MYRIP: variants seen among roughly 807,000 people sequenced by gnomAD.
MYRIP encodes the protein myosin VIIA and Rab interacting protein, also known as rab effector MyRIP.
MYRIP carries 49 observed loss-of-function variants against 98.0 expected under a neutral mutation model. The ratio of observed to expected loss-of-function variants is 0.50; its 90% CI spans 0.40 to 0.63. The LOEUF (loss-of-function observed/expected upper bound fraction) is 0.63, where lower values mean the gene tolerates loss of function less well. Among genes scored for constraint, MYRIP ranks in the 30% least tolerant of loss-of-function variants. MYRIP has a pLI of 0.00. For missense variants in MYRIP, 1,004 were observed against 1,058.2 expected, an observed-to-expected ratio of 0.95 and a Z score of 0.71; for synonymous variants, 404 against 409.5, an observed-to-expected ratio of 0.99 and a Z score of 0.16.
intron 8 of MYRIP, among the ~76,000 whole-genome samples, chr3:40,171,108 C>T (rs1482648581): frequency 1.3e-5 from 2 of 151,990 alleles, no homozygotes; most frequent in African/African-American, 2.4e-5. Flanking sequence ...AACGTGCTGT[C>T]AGCTTGTTTT....
chr3:39,970,809 C>T (rs1599003), intron 2 of MYRIP, among the ~76,000 whole-genome samples: 72,396 of 151,710 alleles, frequency 0.48, 18,181 homozygotes, highest in African/African-American at 0.66. Flanking sequence ...CTTTTCTCTA[C>T]AGTATTTAGG....
At chr3:39,951,419 G>A (rs1197571671) in intron 2 of MYRIP, among the ~76,000 whole-genome samples, 1 of 152,024 alleles carries the variant, frequency 6.6e-6, no homozygotes, top group East Asian at 1.9e-4. Flanking sequence ...ATTCAGAATA[G>A]AGAAGCGCTA....
chr3:39,875,509 T>C (rs1283915732), intron 1 of MYRIP, among the ~76,000 whole-genome samples: 1 of 152,034 alleles, frequency 6.6e-6, no homozygotes, highest in African/African-American at 2.4e-5. Context: ...CATCCTGCTT[T>C]GAATGCGTCC....
chr3:40,252,994 T>C (rs1431621360), intron 16 of MYRIP, among the ~76,000 whole-genome samples: 1 of 152,184 alleles, frequency 6.6e-6, no homozygotes, highest in African/African-American at 2.4e-5. Flanking sequence ...TAACATCACA[T>C]TGGACTAATC....
intron 12 of MYRIP, among the ~76,000 whole-genome samples, chr3:40,236,560 G>GA (rs1380332168): frequency 1.3e-5 from 2 of 151,988 alleles, no homozygotes; most frequent in Non-Finnish European, 2.9e-5. Context: ...GATTTGTGAT[G>GA]AAAAAAACAG....
intron 10 of MYRIP, among the ~76,000 whole-genome samples, chr3:40,200,790 C>T (rs982920789): frequency 6.6e-6 from 1 of 152,150 alleles, no homozygotes; most frequent in African/African-American, 2.4e-5. Context: ...CACCCCAACC[C>T]CTGCCCTGCG....
At chr3:39,832,954 T>C (rs73826794) in intron 1 of MYRIP, among the ~76,000 whole-genome samples, 7,762 of 152,222 alleles carry the variant, frequency 0.051, 401 homozygotes, top group African/African-American at 0.13. Context: ...ATCATAGTCC[T>C]CTGTGAAATA....
At chr3:40,168,836 G>C (rs756836409) in intron 7 of MYRIP, among the ~76,000 whole-genome samples, 1 of 152,198 alleles carries the variant, frequency 6.6e-6, no homozygotes, top group Non-Finnish European at 1.5e-5. Flanking sequence ...CTGGGACGTA[G>C]ATTCTCCCTA....
intron 3 of MYRIP, among the ~76,000 whole-genome samples, chr3:40,083,150 C>T (rs1948517511): frequency 2.0e-5 from 3 of 152,124 alleles, no homozygotes; most frequent in Non-Finnish European, 2.9e-5. Context: ...CAGATATGAA[C>T]AAAACAGGCA....
At chr3:40,062,580 C>T (rs1948040796) in intron 3 of MYRIP, among the ~76,000 whole-genome samples, 1 of 152,042 alleles carries the variant, frequency 6.6e-6, no homozygotes, top group South Asian at 2.1e-4. Context: ...TCCATGGGCA[C>T]CCAAATTTTG....
At position 40,190,347 on chromosome 3, in the gene MYRIP, C is replaced by T; in HGVS notation, c.1549C>T (p.Pro517Ser). 3 of 1,613,964 alleles carry T rather than the reference C, an allele frequency of 1.9e-6. No homozygotes were observed. The highest frequency in any genetic ancestry group is 2.2e-5 in the South Asian group (2 of 91,080). Residue 517 changes from proline to serine, a missense_variant, in exon 10 of 17, where the codon CCC (proline) becomes TCC (serine). Pro to Ser is a moderately conservative substitution (Grantham distance 74). Coordinates refer to ENST00000302541, the MANE Select transcript of MYRIP (RefSeq NM_015460.4). ...TSDSSEPEEA[P>S]HTTDRRARRW... ...GGACAGCAGCGAGCCGGAGGAGGCC[C>T]CCCACACCACAGACCGGCGGGCCAG...
chr3:39,874,896 G>A (rs903123742), intron 1 of MYRIP, among the ~76,000 whole-genome samples: 3 of 152,110 alleles, frequency 2.0e-5, no homozygotes, highest in Non-Finnish European at 2.9e-5. Context: ...CTATTGATTG[G>A]AATAGTTTCA....
intron 3 of MYRIP, among the ~76,000 whole-genome samples, chr3:40,060,189 CA>C (rs1335401818): frequency 6.6e-6 from 1 of 152,170 alleles, no homozygotes; most frequent in East Asian, 1.9e-4. Context: ...TTTTGTCCCT[CA>C]GGGGTGACCC....
At chr3:40,055,084 G>GA (rs1451209462) in intron 3 of MYRIP, among the ~76,000 whole-genome samples, 2 of 152,056 alleles carry the variant, frequency 1.3e-5, no homozygotes, top group Non-Finnish European at 2.9e-5. Flanking sequence ...ACATGGTAGG[G>GA]AAAAAATGAC....
intron 1 of MYRIP, among the ~76,000 whole-genome samples, chr3:39,845,538 CT>C (rs1465676828): frequency 2.0e-5 from 3 of 152,076 alleles, no homozygotes; most frequent in Admixed American, 6.6e-5. Flanking sequence ...GCATTAGGCA[CT>C]TTTTGGGCAC....
chr3:40,092,128 GAC>G (rs1301680790), intron 3 of MYRIP, among the ~76,000 whole-genome samples: 2 of 152,164 alleles, frequency 1.3e-5, no homozygotes, highest in Non-Finnish European at 2.9e-5. Context: ...TCATTCTGAA[GAC>G]ACAGAGCCCC....
intron 11 of MYRIP, among the ~76,000 whole-genome samples, chr3:40,210,587 C>T (rs1799420): frequency 0.93 from 141,384 of 152,182 alleles, 65,790 homozygotes; most frequent in Admixed American, 0.95. Flanking sequence ...TTTCAGATTT[C>T]GATTTGGTTG....
intron 3 of MYRIP, among the ~76,000 whole-genome samples, chr3:40,090,193 C>T (rs1948715473): frequency 6.6e-6 from 1 of 152,100 alleles, no homozygotes; most frequent in Non-Finnish European, 1.5e-5. Context: ...TCTTTCTGGG[C>T]CTCATCTGTG....
intron 3 of MYRIP, among the ~76,000 whole-genome samples, chr3:40,126,267 G>A (rs535313986): frequency 9.2e-5 from 14 of 152,252 alleles, no homozygotes; most frequent in South Asian, 2.1e-4. Flanking sequence ...GGGTGGGGCC[G>A]AACAAGCTGG....
Sources: gnomAD v4.1 joint callset for allele counts (sites outside exome capture counted in the v4.1 genomes callset) on GRCh38, gnomAD v4.1.1 for gene constraint, MANE v1.5 for transcripts, NCBI Gene and HGNC (gene_info 2026-07-23, HGNC 2026-07-21) for gene names.